Variants in DMD observed in about 807,000 individuals in gnomAD.
DMD encodes mutant dystrophin.
DMD carries 63 observed loss-of-function variants against 330.1 expected under a neutral mutation model. That is an observed-to-expected ratio of 0.19 (90% CI 0.16 to 0.24). The LOEUF (loss-of-function observed/expected upper bound fraction) is 0.24, where lower values mean the gene tolerates loss of function less well. Among genes scored for constraint, DMD ranks in the 10% least tolerant of loss-of-function variants. DMD has a pLI of 1.00. For missense variants in DMD, 3,344 were observed against 2,684.1 expected, an observed-to-expected ratio of 1.25 and a Z score of -5.43; for synonymous variants, 1,223 against 959.8, an observed-to-expected ratio of 1.27 and a Z score of -5.07.
Position 31,774,157 on chromosome X carries a change from C to T in DMD, c.7345G>A (p.Val2449Met). 8.3e-7 allele frequency: 1 copy of T among 1,209,972 alleles called. No homozygotes were observed. Among genetic ancestry groups the T allele is most frequent in the Non-Finnish European group, 1.1e-6 (1 of 894,337 alleles). ...GAGATGGCAGTTTCCTTAGTAACCA[C>T]AGGTTGTGTCACCAGAGTAACAGTC... ...TQTVTLVTQPVVTKETAISKL... is the reference protein window; with the variant it reads ...TQTVTLVTQPMVTKETAISKL... The change falls in exon 51 of 79, where the codon GTG becomes ATG. Residue 2449 changes from valine to methionine, a missense_variant. Transcript: ENST00000357033.
chrX:31,455,537 T>G (rs1476908230), intron 59 of DMD, among the ~76,000 whole-genome samples: 1 of 112,079 alleles, frequency 8.9e-6, no homozygotes, highest in Non-Finnish European at 1.9e-5. Flanking sequence ...TCAGACTGCT[T>G]CGTAAACAGT....
intron 3 of DMD, among the ~76,000 whole-genome samples, chrX:32,848,073 A>C (rs2080837040): frequency 8.9e-6 from 1 of 112,090 alleles, no homozygotes; most frequent in Admixed American, 9.5e-5. Context: ...TTTGGGTGAT[A>C]GATGGATTGA....
intron 2 of DMD, among the ~76,000 whole-genome samples, chrX:32,883,647 AC>A (rs1413409628): frequency 4.6e-5 from 5 of 107,795 alleles, no homozygotes; most frequent in Non-Finnish European, 7.7e-5. Context: ...ACACGGTGAA[AC>A]CCCGTCTCTA....
At chrX:32,681,082 A>C (rs1002570160) in intron 9 of DMD, among the ~76,000 whole-genome samples, 1 of 112,399 alleles carries the variant, frequency 8.9e-6, no homozygotes, top group African/African-American at 3.2e-5. Flanking sequence ...AGAGCAGCAA[A>C]GATTCCAAAA....
At chrX:33,027,916 G>T (rs971775374) in intron 1 of DMD, among the ~76,000 whole-genome samples, 10 of 111,845 alleles carry the variant, frequency 8.9e-5, no homozygotes, top group African/African-American at 2.9e-4. Flanking sequence ...CCCAGACCTA[G>T]AGATGGTGGA....
intron 7 of DMD, among the ~76,000 whole-genome samples, chrX:32,742,812 T>C (rs1349253075): frequency 1.8e-5 from 2 of 112,249 alleles, no homozygotes; most frequent in East Asian, 2.8e-4. Flanking sequence ...AATTTTCATG[T>C]TCTCTTCTGT....
At chrX:32,669,318 C>T (rs1033808643) in intron 9 of DMD, among the ~76,000 whole-genome samples, 8 of 110,811 alleles carry the variant, frequency 7.2e-5, no homozygotes, top group Non-Finnish European at 1.5e-4. Context: ...TACCTGCATC[C>T]TCCTCAATTC....
In DMD at chrX:32,782,034, T is replaced by C. The variant is rs1051883579; in HGVS notation, c.649+27459A>G. Among the ~76,000 whole-genome samples, 7 of 111,671 alleles carry C rather than the reference T, an allele frequency of 6.3e-5. No individual in the cohort carries two copies. The Admixed American group carries it at 6.7e-4, about 11-fold the overall frequency. The stretch of plus-strand genomic sequence containing the variant: ...ATTATTGTTGCTTGTCTAATCCTAG[T>C]TGCATTTAAATATGAAATAGTAACA... On this transcript the variant is annotated intron_variant, in intron 7 of 78. Transcript: ENST00000357033.
intron 25 of DMD, among the ~76,000 whole-genome samples, chrX:32,455,947 A>C (rs926462926): frequency 2.7e-5 from 3 of 111,395 alleles, no homozygotes; most frequent in African/African-American, 9.7e-5. Context: ...AACATCTAAA[A>C]GAAAATCATA....
At chrX:33,186,923 C>G (rs747887474) in intron 1 of DMD, among the ~76,000 whole-genome samples, 16 of 111,903 alleles carry the variant, frequency 1.4e-4, no homozygotes, top group Middle Eastern at 4.7e-3. Flanking sequence ...CTCCTGTTCA[C>G]AACATTTTGC....
At chrX:32,469,815 A>C (rs1282806533) in intron 22 of DMD, among the ~76,000 whole-genome samples, 1 of 111,073 alleles carries the variant, frequency 9.0e-6, no homozygotes, top group Non-Finnish European at 1.9e-5. Flanking sequence ...CCTGTAAATT[A>C]TGTTTATCTC....
At chrX:33,141,205 T>C (rs1290601670) in intron 1 of DMD, among the ~76,000 whole-genome samples, 1 of 111,550 alleles carries the variant, frequency 9.0e-6, no homozygotes, top group Non-Finnish European at 1.9e-5. Flanking sequence ...AACCCATGCG[T>C]CTGATAACTG....
chrX:32,411,563 T>TA (rs1350694877), intron 30 of DMD, among the ~76,000 whole-genome samples, 189 bp downstream of exon 30: 1 of 111,690 alleles, frequency 9.0e-6, no homozygotes, highest in Non-Finnish European at 1.9e-5. Flanking sequence ...ATTACATCCT[T>TA]AAAAAAATAA....
intron 1 of DMD, among the ~76,000 whole-genome samples, chrX:33,221,859 G>T (rs966065963): frequency 9.0e-6 from 1 of 110,545 alleles, no homozygotes; most frequent in African/African-American, 3.3e-5. Flanking sequence ...CTAGACTTTG[G>T]CTATTTAATA....
chrX:31,182,712 G>C, intron 68 of DMD, 26 bp downstream of exon 68: 1 of 1,133,434 alleles, frequency 8.8e-7, no homozygotes, highest in African/African-American at 2.1e-5. Context: ...AGAAAAAAAT[G>C]ACATTTTTTT....
chrX:31,979,195 C>A (rs927664313), intron 44 of DMD, among the ~76,000 whole-genome samples: 1 of 111,315 alleles, frequency 9.0e-6, no homozygotes, highest in South Asian at 3.8e-4. Flanking sequence ...CTGAGACCAC[C>A]GGTGCATACC....
At chrX:31,318,204 G>A (rs930787627) in intron 62 of DMD, among the ~76,000 whole-genome samples, 7 of 111,986 alleles carry the variant, frequency 6.3e-5, no homozygotes, top group African/African-American at 2.3e-4. Context: ...AGATGCTACT[G>A]GAGTTAGGGG....
chrX:32,863,680 A>T (rs768172743), intron 2 of DMD, among the ~76,000 whole-genome samples: 29 of 110,878 alleles, frequency 2.6e-4, no homozygotes, highest in South Asian at 1.1e-3. Context: ...TTTAGGCTTC[A>T]GATCTAGTAG....
chrX:32,173,066 G>GGTGTGTGTGTGT (rs3040089), intron 44 of DMD, among the ~76,000 whole-genome samples: 1,253 of 89,550 alleles, frequency 0.014, 30 homozygotes, highest in African/African-American at 0.045. Flanking sequence ...ACCTGATTTT[G>GGTGTGTGTGTGT]GTGTGTGTGT....
Sources: allele counts gnomAD v4.1 joint callset (sites outside exome capture counted in the v4.1 genomes callset), GRCh38; gene constraint gnomAD v4.1.1; transcripts MANE v1.5; gene names NCBI Gene and HGNC (gene_info 2026-07-23, HGNC 2026-07-21).